ARK2C: variants seen among roughly 807,000 people sequenced by gnomAD.
ARK2C encodes the protein arkadia (RNF111) C-terminal like ring finger ubiquitin ligase 2C.
At chr18:46,344,361 C>T in the ARK2C span, among the ~76,000 whole-genome samples, 1 of 150,758 alleles carries the variant, frequency 6.6e-6, no homozygotes, top group Non-Finnish European at 1.5e-5. Flanking sequence ...CCCCCTTCTC[C>T]CCCCGCCCCC....
chr18:46,340,766 G>A, the ARK2C span, among the ~76,000 whole-genome samples: 10 of 152,316 alleles, frequency 6.6e-5, no homozygotes, highest in East Asian at 1.3e-3. Context: ...CCTGGCACGC[G>A]GCAGGTGCCT....
the ARK2C span, among the ~76,000 whole-genome samples, chr18:46,377,460 A>G: frequency 2.0e-5 from 3 of 152,196 alleles, no homozygotes; most frequent in African/African-American, 7.2e-5. Context: ...CCGAGAACCC[A>G]CAGGAAGGTG....
chr18:46,337,204 A>G, the ARK2C span: 3 of 985,238 alleles, frequency 3.0e-6, no homozygotes, highest in African/African-American at 5.2e-5. Flanking sequence ...CCATTTGGCA[A>G]TCTGAAAAGA....
the ARK2C span, among the ~76,000 whole-genome samples, chr18:46,401,300 C>T: frequency 2.0e-5 from 3 of 152,178 alleles, no homozygotes; most frequent in Non-Finnish European, 4.4e-5. Flanking sequence ...CAGCTGATGG[C>T]AGAGGGGATG....
the ARK2C span, chr18:46,385,621 G>A: frequency 6.6e-6 from 1 of 152,130 alleles, no homozygotes; most frequent in South Asian, 2.1e-4. Context: ...CTTAATACAA[G>A]CCCCACAGCC....
chr18:46,458,488 C>T, the ARK2C span: 6 of 152,600 alleles, frequency 3.9e-5, no homozygotes, highest in Admixed American at 3.9e-4. Flanking sequence ...GTAAGGGGGA[C>T]AGGATACTTG....
chr18:46,372,588 A>G, the ARK2C span, among the ~76,000 whole-genome samples: 5 of 152,206 alleles, frequency 3.3e-5, no homozygotes, highest in African/African-American at 1.2e-4. Context: ...ACACGTGACC[A>G]TGGTCACAGG....
chr18:46,438,409 C>T, the ARK2C span, among the ~76,000 whole-genome samples: 1 of 152,236 alleles, frequency 6.6e-6, no homozygotes, highest in Non-Finnish European at 1.5e-5. Context: ...CCATCCCACC[C>T]ATTTGAGGGA....
chr18:46,392,447 A>T, the ARK2C span, among the ~76,000 whole-genome samples: 2 of 152,170 alleles, frequency 1.3e-5, no homozygotes, highest in South Asian at 2.1e-4. Context: ...TGCTGACCAC[A>T]TTTGGCGGGA....
At chr18:46,411,073 G>A in the ARK2C span, among the ~76,000 whole-genome samples, 15 of 152,228 alleles carry the variant, frequency 9.9e-5, no homozygotes, top group Admixed American at 9.8e-4. Flanking sequence ...AGACACGCCT[G>A]ATGGATTCAG....
chr18:46,357,184 G>A, the ARK2C span, among the ~76,000 whole-genome samples: 1 of 152,148 alleles, frequency 6.6e-6, no homozygotes, highest in African/African-American at 2.4e-5. Context: ...AGGACTCCTC[G>A]CTGAATAGTA....
the ARK2C span, among the ~76,000 whole-genome samples, chr18:46,436,066 A>G: frequency 1.3e-5 from 2 of 151,806 alleles, no homozygotes; most frequent in Non-Finnish European, 2.9e-5. Flanking sequence ...TTGGTTTTGG[A>G]TCCTGGGTCC....
the ARK2C span, among the ~76,000 whole-genome samples, chr18:46,353,531 G>A: frequency 2.2e-4 from 33 of 152,204 alleles, no homozygotes; most frequent in South Asian, 4.2e-4. Context: ...TTTGCTCCCC[G>A]TCCGCTACCC....
the ARK2C span, among the ~76,000 whole-genome samples, chr18:46,412,043 T>C: frequency 6.6e-6 from 1 of 152,254 alleles, no homozygotes; most frequent in Non-Finnish European, 1.5e-5. Context: ...TTCGAGTCAG[T>C]TGGTGCTATT....
At chr18:46,334,377 C>T in the ARK2C span, 1 of 1,556,526 alleles carries the variant, frequency 6.4e-7, no homozygotes, top group Non-Finnish European at 8.7e-7. The surrounding 1 kb of genome is among the most constrained non-coding windows in gnomAD (Gnocchi z 4.4). Context: ...GAGCGTGGAT[C>T]GCCGCAGGCA....
chr18:46,357,090 T>C, the ARK2C span, among the ~76,000 whole-genome samples: 1 of 152,204 alleles, frequency 6.6e-6, no homozygotes, highest in African/African-American at 2.4e-5. Context: ...TGTATTCTTA[T>C]GTGTTTGCGA....
At chr18:46,347,707 C>A in the ARK2C span, among the ~76,000 whole-genome samples, 1 of 152,066 alleles carries the variant, frequency 6.6e-6, no homozygotes, top group Admixed American at 6.5e-5. Flanking sequence ...AGGGAGTTGC[C>A]ATGCACAGAG....
the ARK2C span, among the ~76,000 whole-genome samples, chr18:46,341,881 G>T: frequency 6.6e-6 from 1 of 152,282 alleles, no homozygotes; most frequent in African/African-American, 2.4e-5. Context: ...AGACCCCAAA[G>T]TGGGCAAGTA....
the ARK2C span, chr18:46,461,906 T>TTAGA: frequency 6.6e-6 from 1 of 152,260 alleles, no homozygotes; most frequent in Non-Finnish European, 1.5e-5. Context: ...CCATGTCTTG[T>TTAGA]TAGAGATAGG....
Sources: allele counts gnomAD v4.1 joint callset (sites outside exome capture counted in the v4.1 genomes callset), GRCh38; gene constraint gnomAD v4.1.1; non-coding constraint Gnocchi (gnomAD v3.1); transcripts MANE v1.5; gene names NCBI Gene and HGNC (gene_info 2026-07-23, HGNC 2026-07-21).